The following DNAH14 variants were observed in gnomAD, a reference collection of about 807,000 sequenced individuals.
DNAH14 encodes dynein axonemal heavy chain 14, also known as axonemal beta dynein heavy chain 14.
In DNAH14, 478 loss-of-function variants were observed where a neutral mutation model predicts 520.9. The observed-to-expected ratio is 0.92, with a 90% CI of 0.85 to 0.99. The LOEUF is 0.99. Ranked by LOEUF, DNAH14 falls within the 50% of genes least tolerant of loss-of-function variation. DNAH14 has a pLI of 0.00. For synonymous variants in DNAH14, 1,581 were observed against 1,757.2 expected (o/e 0.90, Z 2.51); for missense variants, 4,831 against 5,234.5 (o/e 0.92, Z 2.38).
chr1:225,152,686 T>G lies in DNAH14; in HGVS notation c.5010-11T>G, dbSNP rs2080617053. The G allele has an allele frequency of 6.6e-7, 1 of 1,515,802 alleles. No homozygotes were observed. The highest frequency in any genetic ancestry group is 1.3e-5 in the South Asian group (1 of 78,064). 93.9% of individuals were successfully genotyped at this position (1,515,802 alleles called of 1,614,324 possible). A position where few individuals can be genotyped will look rare whatever the true frequency, so the allele number is the denominator to read the frequency against. On this transcript the variant is annotated splice_polypyrimidine_tract_variant and intron_variant, in intron 32 of 85. Transcript: ENST00000682510. ...GGTGTTTTTATTGTTTGTTTTTCTT[T>G]TCCTCTTCAGATACGGAGGTGGAGT...
At chr1:225,127,687 G>T (rs945813298) in intron 27 of DNAH14, among the ~76,000 whole-genome samples, 1 of 152,026 alleles carries the variant, frequency 6.6e-6, no homozygotes, top group African/African-American at 2.4e-5. Context: ...GTCTTTTAAT[G>T]GGAGCGTTTA....
intron 17 of DNAH14, 91 bp downstream of exon 17, chr1:225,051,886 A>C (rs1462472294): frequency 3.3e-6 from 3 of 916,172 alleles, no homozygotes; most frequent in East Asian, 5.5e-5. Context: ...ATATGATATC[A>C]TGTCACATGC....
At chr1:225,274,164 TC>T (rs2093392040) in intron 52 of DNAH14, among the ~76,000 whole-genome samples, 1 of 151,812 alleles carries the variant, frequency 6.6e-6, no homozygotes, top group African/African-American at 2.4e-5. Flanking sequence ...GTGTAAGTGT[TC>T]CTTTTTCTCT....
intron 46 of DNAH14, among the ~76,000 whole-genome samples, chr1:225,263,794 T>C (rs1190867229): frequency 6.6e-6 from 1 of 152,070 alleles, no homozygotes; most frequent in Non-Finnish European, 1.5e-5. Context: ...GTTTTAACAA[T>C]AGAGAAAGAC....
chr1:225,091,950 A>G (rs2148663308), intron 21 of DNAH14, among the ~76,000 whole-genome samples: 1 of 152,214 alleles, frequency 6.6e-6, no homozygotes, highest in East Asian at 1.9e-4. Flanking sequence ...AACTTTAAAA[A>G]CCAACAAAGA....
intron 41 of DNAH14, among the ~76,000 whole-genome samples, chr1:225,211,418 C>G (rs2088392624): frequency 6.6e-6 from 1 of 151,864 alleles, no homozygotes; most frequent in African/African-American, 2.4e-5. Context: ...GATTAAAGAT[C>G]AATTTGATGA....
chr1:225,071,618 C>G (rs2071553419), intron 17 of DNAH14, among the ~76,000 whole-genome samples: 1 of 151,964 alleles, frequency 6.6e-6, no homozygotes, highest in African/African-American at 2.4e-5. Flanking sequence ...AGTTCATTCT[C>G]ACACTGCTAA....
intron 46 of DNAH14, among the ~76,000 whole-genome samples, chr1:225,259,487 C>T (rs1305975013): frequency 4.0e-5 from 6 of 151,896 alleles, no homozygotes; most frequent in Admixed American, 3.9e-4. Flanking sequence ...CAATGTGATG[C>T]TTTGATGTAT....
At chr1:225,371,179 T>A (rs755241441) in intron 77 of DNAH14, among the ~76,000 whole-genome samples, 13 of 152,176 alleles carry the variant, frequency 8.5e-5, no homozygotes, top group Non-Finnish European at 1.8e-4. Flanking sequence ...GAACTGTAGA[T>A]TAATTTCACT....
At chr1:224,957,245 A>C (rs1375888472) in intron 3 of DNAH14, among the ~76,000 whole-genome samples, 4 of 152,202 alleles carry the variant, frequency 2.6e-5, no homozygotes, top group Non-Finnish European at 5.9e-5. Context: ...TAAAATAATG[A>C]ATAGTGGTCC....
intron 8 of DNAH14, among the ~76,000 whole-genome samples, chr1:224,981,331 C>T (rs2062252273): frequency 6.6e-6 from 1 of 152,130 alleles, no homozygotes; most frequent in Non-Finnish European, 1.5e-5. Flanking sequence ...CCTTCTTTCC[C>T]TATCTTGTGG....
intron 75 of DNAH14, among the ~76,000 whole-genome samples, chr1:225,361,736 C>T (rs1295509531): frequency 2.0e-5 from 3 of 152,188 alleles, no homozygotes; most frequent in African/African-American, 7.2e-5. Context: ...AAAAACTATA[C>T]CAGCGGGGCA....
At chr1:225,131,721 A>T (rs1194992848) in intron 27 of DNAH14, among the ~76,000 whole-genome samples, 1 of 152,176 alleles carries the variant, frequency 6.6e-6, no homozygotes, top group Non-Finnish European at 1.5e-5. Flanking sequence ...TATTTGCTAG[A>T]GCTAATTATT....
intron 80 of DNAH14, 96 bp from the exon 81 acceptor site, chr1:225,381,287 A>C (rs2095779344): frequency 7.9e-7 from 1 of 1,268,580 alleles, no homozygotes; most frequent in Non-Finnish European, 1.1e-6. Context: ...GTCAAGACAC[A>C]CAAAATTCCC....
Position 225,243,358 on chromosome 1 carries a change from C to T in DNAH14, c.6748+2536C>T, listed in dbSNP as rs142684143. ...AGCAATTATAGAACTATAAAACCAC[C>T]AAAGTAGAAATGAGGAAAAAGAAAA... On this transcript the variant is annotated intron_variant, in intron 43 of 85. Coordinates refer to ENST00000682510, the MANE Select transcript of DNAH14 (RefSeq NM_001367479.1). Among the ~76,000 whole-genome samples, 682 of 150,826 alleles carry T rather than the reference C, an allele frequency of 4.5e-3. 4 individuals are homozygous for T. Among genetic ancestry groups the T allele is most frequent in the African/African-American group, 0.016 (650 of 41,044 alleles).
intron 21 of DNAH14, among the ~76,000 whole-genome samples, chr1:225,091,803 A>C (rs548080692): frequency 3.5e-4 from 54 of 152,216 alleles, no homozygotes; most frequent in African/African-American, 1.3e-3. Context: ...AATAAGACCC[A>C]ATAACATACT....
At chr1:225,344,043 T>G (rs2095245069) in intron 69 of DNAH14, among the ~76,000 whole-genome samples, 1 of 152,188 alleles carries the variant, frequency 6.6e-6, no homozygotes, top group South Asian at 2.1e-4. Flanking sequence ...TATTGTGCCT[T>G]TGCTGTTTAT....
At position 224,960,306 on chromosome 1, in the gene DNAH14, T is replaced by G; in HGVS notation, c.367+4T>G. 8 of 1,580,144 alleles carry G rather than the reference T, an allele frequency of 5.1e-6. No individual in the cohort carries two copies. The highest frequency in any genetic ancestry group is 6.9e-6 in the Non-Finnish European group (8 of 1,166,896). ...CCTGTGTCCTATGATAGAACAGGTA[T>G]GTGGTATCACTGAACCAATTGCTTA... On this transcript the variant is annotated splice_donor_region_variant and intron_variant, in intron 4 of 85. Coordinates refer to ENST00000682510, the MANE Select transcript of DNAH14 (RefSeq NM_001367479.1).
At position 225,048,416 on chromosome 1, in the gene DNAH14, G is replaced by A. The variant is rs183440764; in HGVS notation, c.1913-1794G>A. On this transcript the variant is annotated intron_variant, in intron 15 of 85. Transcript: ENST00000682510. ...ACTTGGGAGGCTGAGGCAGGAGGAC[G>A]GCCTGAGCCCAGGAGGTCAAGGCGC... Among the ~76,000 whole-genome samples, 408 of 152,168 alleles carry A rather than the reference G, an allele frequency of 2.7e-3. 2 individuals are homozygous for A. The highest frequency in any genetic ancestry group is 3.7e-3 in the Non-Finnish European group (252 of 67,996).
Sources: allele counts gnomAD v4.1 joint callset (sites outside exome capture counted in the v4.1 genomes callset), GRCh38; gene constraint gnomAD v4.1.1; transcripts MANE v1.5; gene names NCBI Gene and HGNC (gene_info 2026-07-23, HGNC 2026-07-21).